Variants in EPB41L1 observed in about 807,000 individuals in gnomAD.
EPB41L1 encodes the protein erythrocyte membrane protein band 4.1 like 1, also known as band 4.1-like protein 1.
Under a neutral mutation model 97.8 loss-of-function variants are expected in EPB41L1, and 29 were observed. The ratio of observed to expected loss-of-function variants is 0.30; its 90% CI spans 0.22 to 0.40. The LOEUF is 0.40. Ranked by LOEUF, EPB41L1 falls within the 10% of genes least tolerant of loss-of-function variation. EPB41L1 has a pLI of 1.00. For missense variants in EPB41L1, 812 were observed against 1,162.3 expected, an observed-to-expected ratio of 0.70 and a Z score of 4.38; for synonymous variants, 383 against 459.2, an observed-to-expected ratio of 0.83 and a Z score of 2.12.
intron 5 of EPB41L1, among the ~76,000 whole-genome samples, chr20:36,180,870 G>A (rs2061444939): frequency 1.3e-5 from 2 of 152,176 alleles, no homozygotes; most frequent in South Asian, 4.1e-4. Context: ...AGGAGTCGGT[G>A]TGGTCAGGAG....
chr20:36,215,796 A>C (rs2063407792), intron 17 of EPB41L1, among the ~76,000 whole-genome samples: 1 of 152,204 alleles, frequency 6.6e-6, no homozygotes, highest in Non-Finnish European at 1.5e-5. Context: ...TGAAGAAACT[A>C]TACTGCCTGC....
chr20:36,205,848 G>A (rs2062768735), intron 14 of EPB41L1: 2 of 1,279,770 alleles, frequency 1.6e-6, no homozygotes, highest in African/African-American at 1.5e-5. Context: ...TTGAAACACA[G>A]GGTTCAGAGC....
At chr20:36,211,839 G>A (rs1294573168) in intron 15 of EPB41L1, among the ~76,000 whole-genome samples, 1 of 152,168 alleles carries the variant, frequency 6.6e-6, no homozygotes, top group East Asian at 1.9e-4. Context: ...GGGCGACAAA[G>A]GGAGAGTCTG....
Position 36,190,210 on chromosome 20 carries a change from C to G in EPB41L1, c.1027-67C>G. ...CATTAAACAAATAAAATAAAAAACA[C>G]AAAGAATGGGCTAGTGGCGAGAGTG... On this transcript the variant is annotated intron_variant, in intron 9 of 21. Coordinates refer to ENST00000338074, the MANE Select transcript of EPB41L1 (RefSeq NM_012156.2). This position sits in a 1 kb window ranked among gnomAD's most constrained non-coding sequence, Gnocchi z 5.8. 2.4e-6 allele frequency: 3 copies of G among 1,273,206 alleles called. No individual in the cohort carries two copies. The highest frequency in any genetic ancestry group is 3.4e-6 in the Non-Finnish European group (3 of 878,434). The allele number at this position is 1,273,206 out of a possible 1,614,324, so 78.9% of individuals were successfully genotyped here.
At position 36,198,013 on chromosome 20, in the gene EPB41L1, C is replaced by G. The variant is rs6089016; in HGVS notation, c.1640C>G (p.Pro547Arg). The change falls in exon 14 of 22, where the codon CCC becomes CGC. Residue 547 changes from proline to arginine, a missense_variant. Physicochemically the swap from Pro to Arg is moderately radical, Grantham distance 103. Around this residue, in one of 3 missense-constraint regions of EPB41L1, gnomAD observed 498 missense variants for 622.7 expected, o/e 0.80. Coordinates refer to ENST00000338074, the MANE Select transcript of EPB41L1 (RefSeq NM_012156.2). ...RLPSSPASPSPKGTPEKANER... is the reference protein window; with the variant it reads ...RLPSSPASPSRKGTPEKANER... ...CCCTCCTCCCCCGCCTCCCCCTCCC[C>G]CAAGGGCACCCCTGAGAAAGCCAAT... 10,986 of 1,613,664 alleles carry G rather than the reference C, an allele frequency of 6.8e-3. 62 individuals carry two copies. The highest frequency in any genetic ancestry group is 0.017 in the South Asian group (1,543 of 91,068).
chr20:36,208,218 C>T (rs974059646), intron 14 of EPB41L1: 1 of 345,710 alleles, frequency 2.9e-6, no homozygotes, highest in African/African-American at 2.2e-5. Flanking sequence ...CAGAGGTTTC[C>T]ATCCTTCACT....
At chr20:36,133,430 G>A (rs2059296755) in intron 2 of EPB41L1, among the ~76,000 whole-genome samples, 1 of 152,222 alleles carries the variant, frequency 6.6e-6, no homozygotes, top group Admixed American at 6.5e-5. Context: ...CAGATCTGTT[G>A]TCTGTGATAC....
At chr20:36,144,875 GTTA>G (rs2059776826) in intron 2 of EPB41L1, among the ~76,000 whole-genome samples, 2 of 152,126 alleles carry the variant, frequency 1.3e-5, no homozygotes. Context: ...ACTCCATATG[GTTA>G]TTATAAGGAA....
chr20:36,121,776 A>G (rs939973896), intron 2 of EPB41L1: 1 of 152,220 alleles, frequency 6.6e-6, no homozygotes, highest in African/African-American at 2.4e-5. Context: ...GCAGACCCTG[A>G]CACAGAAGCC....
intron 1 of EPB41L1, among the ~76,000 whole-genome samples, chr20:36,103,320 T>C (rs1382521596): frequency 6.6e-6 from 1 of 152,252 alleles, no homozygotes; most frequent in Non-Finnish European, 1.5e-5. Flanking sequence ...TTGCAGAATC[T>C]GCCTCCAGCT....
At chr20:36,091,530 C>G (rs2057666674) in exon 1 of EPB41L1, 2 of 152,244 alleles carry the variant, frequency 1.3e-5, no homozygotes, top group South Asian at 4.1e-4. Flanking sequence ...CATCTTGGCT[C>G]TGTGCTGCCT....
rs768916649 is a variant in EPB41L1, at chr20:36,209,840, G to A, written c.2021G>A (p.Gly674Asp). The A allele has an allele frequency of 3.7e-6, 6 of 1,613,690 alleles. No homozygotes were observed. Among genetic ancestry groups the A allele is most frequent in the Admixed American group, 1.7e-5 (1 of 60,002 alleles). Reference protein sequence around the residue: ...GAPSQDDESGGIEDSPDRGAC... With the variant: ...GAPSQDDESGDIEDSPDRGAC... ...CCCAGCCAGGATGATGAGTCTGGGGGCATTGAGGACAGCCCGGATCGAGGG... is the reference window on the plus strand; with the variant it reads ...CCCAGCCAGGATGATGAGTCTGGGGACATTGAGGACAGCCCGGATCGAGGG... The change falls in exon 15 of 22, where the codon GGC becomes GAC. Residue 674 changes from glycine to aspartate, a missense_variant. Gly to Asp is a moderately conservative substitution (Grantham distance 94, BLOSUM62 -1). This residue lies in a region of EPB41L1 where 498 missense variants were observed against 622.7 expected (regional missense o/e 0.80). Transcript: ENST00000338074. This position sits in a 1 kb window ranked among gnomAD's most constrained non-coding sequence, Gnocchi z 4.2.
At chr20:36,101,318 G>A (rs1266114250) in intron 1 of EPB41L1, among the ~76,000 whole-genome samples, 1 of 152,116 alleles carries the variant, frequency 6.6e-6, no homozygotes, top group African/African-American at 2.4e-5. Context: ...CACCCCATGT[G>A]CAGCCCGGGA....
intron 17 of EPB41L1, among the ~76,000 whole-genome samples, chr20:36,217,806 G>A (rs901924617): frequency 6.6e-6 from 1 of 152,094 alleles, no homozygotes; most frequent in South Asian, 2.1e-4. Flanking sequence ...GTGTGGGAGC[G>A]GCAGGGGAAA....
intron 6 of EPB41L1, among the ~76,000 whole-genome samples, chr20:36,182,605 TAA>T (rs1411994906): frequency 6.6e-6 from 1 of 152,172 alleles, no homozygotes; most frequent in Non-Finnish European, 1.5e-5. Flanking sequence ...TTTGTAGATT[TAA>T]GAGGACAGAA....
At chr20:36,128,290 A>G (rs981928304) in intron 2 of EPB41L1, among the ~76,000 whole-genome samples, 1 of 152,168 alleles carries the variant, frequency 6.6e-6, no homozygotes, top group Non-Finnish European at 1.5e-5. Flanking sequence ...CTTCTAAACA[A>G]GGCAGGGAGA....
At position 36,212,468 on chromosome 20, in the gene EPB41L1, CT is replaced by C. The variant is rs2146866776; in HGVS notation, c.2184+96del. 5 of 1,040,322 alleles carry C rather than the reference CT, an allele frequency of 4.8e-6. No homozygotes were observed. In the Admixed American group the frequency reaches 9.6e-5, roughly 20 times the overall value. The allele number at this position is 1,040,322 out of a possible 1,614,324, so 64.4% of individuals were successfully genotyped here. A position where few individuals can be genotyped will look rare whatever the true frequency, so the allele number is the denominator to read the frequency against. On this transcript the variant is annotated intron_variant, in intron 16 of 21. Transcript: ENST00000338074. The surrounding 1 kb of genome is among the most constrained non-coding windows in gnomAD (Gnocchi z 4.8). ...CTGTGGCCAAACCCCTTGGCCAGCT[CT>C]TTTAATCTCAGCTTCCCTGGAACCC...
intron 21 of EPB41L1, among the ~76,000 whole-genome samples, 168 bp downstream of exon 21, chr20:36,222,562 C>T (rs1001834628): frequency 2.6e-5 from 4 of 152,260 alleles, no homozygotes; most frequent in African/African-American, 7.2e-5. Context: ...GGCACCTCCC[C>T]GAGATACAAG....
intron 2 of EPB41L1, among the ~76,000 whole-genome samples, chr20:36,138,156 A>G (rs374228203): frequency 6.6e-5 from 10 of 152,198 alleles, no homozygotes; most frequent in African/African-American, 2.4e-4. Flanking sequence ...GGCTATGTGA[A>G]TAATGCTGCT....
Sources: gnomAD v4.1 joint callset for allele counts (sites outside exome capture counted in the v4.1 genomes callset) on GRCh38, gnomAD v4.1.1 for gene constraint, gnomAD v4.1.1 regional missense constraint, Gnocchi (gnomAD v3.1) non-coding constraint, MANE v1.5 for transcripts, NCBI Gene and HGNC (gene_info 2026-07-23, HGNC 2026-07-21) for gene names.